ITGA11: variants seen among roughly 807,000 people sequenced by gnomAD.
ITGA11 encodes integrin subunit alpha 11, also known as integrin alpha-11.
A neutral mutation model predicts 141.9 loss-of-function variants in ITGA11; 97 were observed. The observed-to-expected ratio is 0.68, with a 90% CI of 0.58 to 0.81. The LOEUF (loss-of-function observed/expected upper bound fraction) is 0.81, where lower values mean the gene tolerates loss of function less well. Among genes scored for constraint, ITGA11 ranks in the 30% least tolerant of loss-of-function variants. The pLI is 0.00. For missense variants in ITGA11, 1,387 were observed against 1,559.2 expected, an observed-to-expected ratio of 0.89 and a Z score of 1.86; for synonymous variants, 658 against 624.6, an observed-to-expected ratio of 1.05 and a Z score of -0.80.
chr15:68,389,912 G>T (rs180857582), intron 2 of ITGA11, among the ~76,000 whole-genome samples: 8 of 152,284 alleles, frequency 5.3e-5, no homozygotes, highest in Non-Finnish European at 1.2e-4. Flanking sequence ...GGCTCAGAGA[G>T]GCCCTCTGCA....
chr15:68,396,925 A>G (rs1339436863), intron 2 of ITGA11, among the ~76,000 whole-genome samples: 1 of 34,684 alleles, frequency 2.9e-5, no homozygotes, highest in Non-Finnish European at 4.4e-5. Flanking sequence ...ATTATTTATT[A>G]TATAATATAT....
At chr15:68,356,528 A>T (rs548420604) in intron 7 of ITGA11, among the ~76,000 whole-genome samples, 132 of 152,274 alleles carry the variant, frequency 8.7e-4, no homozygotes, top group African/African-American at 3.0e-3. Context: ...TCCTCACAGA[A>T]CCTACTTCTT....
At chr15:68,353,944 G>A (rs994608772) in intron 7 of ITGA11, among the ~76,000 whole-genome samples, 4 of 152,012 alleles carry the variant, frequency 2.6e-5, no homozygotes, top group South Asian at 2.1e-4. Context: ...GGTCTGGAAG[G>A]CCTCAGGCAC....
intron 2 of ITGA11, among the ~76,000 whole-genome samples, chr15:68,391,952 AC>A (rs928273642): frequency 3.3e-5 from 5 of 152,208 alleles, no homozygotes; most frequent in Non-Finnish European, 7.3e-5. Context: ...TACCATGTAA[AC>A]AATATGGATG....
chr15:68,424,957 C>G (rs1044431371), intron 1 of ITGA11, among the ~76,000 whole-genome samples: 1 of 152,256 alleles, frequency 6.6e-6, no homozygotes, highest in African/African-American at 2.4e-5. Flanking sequence ...CACCCCTGCC[C>G]TCTGTGTACA....
At position 68,302,387 on chromosome 15, in the gene ITGA11, GCTACCTCT is replaced by G. The variant is rs1204324990; in HGVS notation, c.*664_*671del. 6.6e-6 allele frequency: 1 copy of G among 152,342 alleles called. No homozygotes were observed. The highest frequency in any genetic ancestry group is 1.5e-5 in the Non-Finnish European group (1 of 68,146). The allele number at this position is 152,342 out of a possible 1,614,324, so 9.4% of individuals were successfully genotyped here. On this transcript the variant is annotated 3_prime_UTR_variant, in exon 30 of 30. Transcript: ENST00000315757. ...TGAATGCACGTGGGTGCAGAGCCCG[GCTACCTCT>G]CATCTCAGGACAGCGTCCAGTATCC... is the stretch of plus-strand genomic sequence containing the variant.
chr15:68,381,938 A>G (rs1331879663), intron 2 of ITGA11, among the ~76,000 whole-genome samples: 1 of 151,966 alleles, frequency 6.6e-6, no homozygotes, highest in Non-Finnish European at 1.5e-5. Context: ...CTTCGGCCTC[A>G]CTCTCCTACC....
chr15:68,313,098 G>A (rs1893449273), intron 23 of ITGA11, among the ~76,000 whole-genome samples: 1 of 152,236 alleles, frequency 6.6e-6, no homozygotes, highest in Non-Finnish European at 1.5e-5. Context: ...TGAGTCAGAA[G>A]AGCCAGTTAT....
rs3736493 is a variant in ITGA11 at position 68,321,449 on chromosome 15, A to G, written c.2377T>C (p.Leu793=). ...GTGGGCAGGTCACTCCGGGCATCCA[A>G]CACAAGGTCAGGGACACAGTGCTCA... The part of the protein sequence containing the change: ...EDEHCVPDLV[L]DARSDLPTAM... The change falls in exon 19 of 30, where the codon TTG becomes CTG. Residue 793 remains leucine, a synonymous_variant. Coordinates refer to ENST00000315757, the MANE Select transcript of ITGA11 (RefSeq NM_001004439.2). This position sits in a 1 kb window ranked among gnomAD's most constrained non-coding sequence, Gnocchi z 4.9. 0.2 allele frequency: 310,488 copies of G among 1,580,704 alleles called. 34,271 individuals carry two copies. The highest frequency in any genetic ancestry group is 0.46 in the African/African-American group (32,979 of 72,004).
intron 7 of ITGA11, among the ~76,000 whole-genome samples, chr15:68,354,842 C>A (rs984072450): frequency 4.6e-5 from 7 of 152,182 alleles, no homozygotes; most frequent in African/African-American, 1.7e-4. Flanking sequence ...TGGCCTGGAT[C>A]TTTGCCCTTT....
chr15:68,344,930 C>T (rs2140322594), intron 10 of ITGA11, among the ~76,000 whole-genome samples: 1 of 152,228 alleles, frequency 6.6e-6, no homozygotes, highest in Middle Eastern at 3.4e-3. Context: ...AAGGCGGATG[C>T]GAAATCCCTC....
intron 10 of ITGA11, among the ~76,000 whole-genome samples, chr15:68,348,019 T>C (rs1398719880): frequency 6.6e-6 from 1 of 152,180 alleles, no homozygotes; most frequent in Non-Finnish European, 1.5e-5. Flanking sequence ...TACTGACAGA[T>C]GCAGTCGGTA....
chr15:68,419,690 G>C (rs1386688345), intron 1 of ITGA11, among the ~76,000 whole-genome samples: 1 of 152,306 alleles, frequency 6.6e-6, no homozygotes, highest in Non-Finnish European at 1.5e-5. Context: ...AAACATGAAG[G>C]CCAAACATTT....
At chr15:68,348,414 T>A (rs1894804877) in intron 10 of ITGA11, among the ~76,000 whole-genome samples, 2 of 152,228 alleles carry the variant, frequency 1.3e-5, no homozygotes, top group Non-Finnish European at 2.9e-5. Context: ...CCATTGGCTT[T>A]GCCACCTGCC....
At chr15:68,411,381 C>A (rs1218273981) in intron 1 of ITGA11, among the ~76,000 whole-genome samples, 1 of 152,234 alleles carries the variant, frequency 6.6e-6, no homozygotes, top group Non-Finnish European at 1.5e-5. Context: ...ACTCACCCAT[C>A]CTGGGCCCAT....
At chr15:68,339,813 A>T (rs1293539915) in intron 10 of ITGA11, among the ~76,000 whole-genome samples, 169 bp from the exon 11 acceptor site, 1 of 152,178 alleles carries the variant, frequency 6.6e-6, no homozygotes, top group East Asian at 1.9e-4. Flanking sequence ...GCTTTTGAAT[A>T]AGCCAAGGAG....
chr15:68,320,498 G>T, intron 19 of ITGA11, 106 bp from the exon 20 acceptor site: 1 of 831,384 alleles, frequency 1.2e-6, no homozygotes, highest in Non-Finnish European at 1.9e-6. Flanking sequence ...CACTTGACTG[G>T]CCTCTGCTCA....
At position 68,318,463 on chromosome 15, in the gene ITGA11, G is replaced by C. The variant is rs118109559; in HGVS notation, c.2617-1100C>G. On this transcript the variant is annotated intron_variant, in intron 20 of 29. Coordinates refer to ENST00000315757, the MANE Select transcript of ITGA11 (RefSeq NM_001004439.2). ...AAGTCCCTGGACAGGAGGGGACTTC[G>C]AGAGACCATCAGGTGGGCTCTTCAT... Among the ~76,000 whole-genome samples, 436 of 152,272 alleles carry C rather than the reference G, an allele frequency of 2.9e-3. 18 individuals carry two copies. The East Asian group carries it at 0.072, about 25-fold the overall frequency.
intron 1 of ITGA11, among the ~76,000 whole-genome samples, chr15:68,410,945 G>A (rs1171835431): frequency 6.6e-6 from 1 of 152,196 alleles, no homozygotes; most frequent in Non-Finnish European, 1.5e-5. Flanking sequence ...GCTCTCATAG[G>A]AGACCTAGTA....
Sources: allele counts gnomAD v4.1 joint callset (sites outside exome capture counted in the v4.1 genomes callset), GRCh38; gene constraint gnomAD v4.1.1; non-coding constraint Gnocchi (gnomAD v3.1); transcripts MANE v1.5; gene names NCBI Gene and HGNC (gene_info 2026-07-23, HGNC 2026-07-21).